GMDS: variants seen among roughly 807,000 people sequenced by gnomAD.
GMDS encodes the protein GDP-mannose 4,6 dehydratase.
Under a neutral mutation model 49.9 loss-of-function variants are expected in GMDS, and 20 were observed. The ratio of observed to expected loss-of-function variants is 0.40; its 90% CI spans 0.28 to 0.58. The LOEUF (loss-of-function observed/expected upper bound fraction) is 0.58. Ranked by LOEUF, GMDS falls within the 20% of genes least tolerant of loss-of-function variation. GMDS has a pLI of 0.42. For missense variants in GMDS, 362 were observed against 481.4 expected (o/e 0.75, Z 2.32); for synonymous variants, 177 against 178.6 (o/e 0.99, Z 0.07).
chr6:1,999,757 CCT>C (rs1378991919), intron 4 of GMDS, among the ~76,000 whole-genome samples: 2 of 147,910 alleles, frequency 1.4e-5, no homozygotes, highest in African/African-American at 2.5e-5. Flanking sequence ...AAGGAAATCT[CCT>C]CTCCCAATTT....
chr6:1,767,814 T>A (rs912112428), intron 7 of GMDS, among the ~76,000 whole-genome samples: 1 of 152,178 alleles, frequency 6.6e-6, no homozygotes, highest in Non-Finnish European at 1.5e-5. Context: ...AACTTTGGAC[T>A]CTCTCCCAAA....
intron 4 of GMDS, among the ~76,000 whole-genome samples, chr6:2,078,643 C>T (rs931315108): frequency 5.9e-5 from 9 of 151,944 alleles, no homozygotes; most frequent in Admixed American, 2.0e-4. Flanking sequence ...TATGATCTTG[C>T]GTTTTAAAAA....
chr6:1,803,886 A>G (rs1420595591), intron 7 of GMDS, among the ~76,000 whole-genome samples: 4 of 152,212 alleles, frequency 2.6e-5, no homozygotes, highest in African/African-American at 9.6e-5. Flanking sequence ...GGAAATATAC[A>G]GTAAAGAGTT....
chr6:1,657,079 C>T (rs1763906787), intron 9 of GMDS, among the ~76,000 whole-genome samples: 1 of 152,198 alleles, frequency 6.6e-6, no homozygotes, highest in Non-Finnish European at 1.5e-5. Context: ...TTTCTTTTGC[C>T]ACAGGATGAC....
intron 4 of GMDS, among the ~76,000 whole-genome samples, chr6:2,094,527 T>A (rs1773487421): frequency 6.6e-6 from 1 of 152,234 alleles, no homozygotes; most frequent in African/African-American, 2.4e-5. Context: ...TGTACCGTGT[T>A]CAGTACCACA....
intron 9 of GMDS, chr6:1,624,773 C>A (rs190956002): frequency 4.1e-6 from 2 of 487,776 alleles, no homozygotes; most frequent in Non-Finnish European, 7.3e-6. Context: ...CCGCGATCCA[C>A]CCCCAGCTAC....
intron 1 of GMDS, among the ~76,000 whole-genome samples, chr6:2,179,168 C>T (rs1778412141): frequency 2.0e-5 from 3 of 152,278 alleles, no homozygotes; most frequent in East Asian, 1.9e-4. Context: ...AACAATCCAA[C>T]TTAAATCTAA....
intron 4 of GMDS, among the ~76,000 whole-genome samples, chr6:2,088,698 C>G (rs1044111806): frequency 7.2e-5 from 11 of 152,132 alleles, no homozygotes; most frequent in Non-Finnish European, 1.6e-4. Flanking sequence ...CTCCACCTGG[C>G]AAGAGAGGAA....
chr6:2,217,009 T>G (rs995868305), intron 1 of GMDS, among the ~76,000 whole-genome samples: 18 of 151,842 alleles, frequency 1.2e-4, no homozygotes, highest in Non-Finnish European at 2.5e-4. Context: ...ACATCAGACC[T>G]CCCTGCCAGC....
intron 4 of GMDS, among the ~76,000 whole-genome samples, chr6:2,020,932 C>T (rs1351504796): frequency 6.6e-6 from 1 of 152,204 alleles, no homozygotes. Flanking sequence ...TTATCTACTA[C>T]TATACTGGAA....
At chr6:2,018,930 T>C (rs1171979590) in intron 4 of GMDS, among the ~76,000 whole-genome samples, 1 of 152,112 alleles carries the variant, frequency 6.6e-6, no homozygotes, top group African/African-American at 2.4e-5. Context: ...TTAAAGTGGC[T>C]ACATCACTTT....
chr6:1,640,015 A>G lies in GMDS; in HGVS notation c.988-15475T>C, dbSNP rs567344153. On this transcript the variant is annotated intron_variant, in intron 9 of 10. Coordinates refer to ENST00000380815, the MANE Select transcript of GMDS (RefSeq NM_001500.4). The surrounding 1 kb of genome is among the most constrained non-coding windows in gnomAD (Gnocchi z 4.0). ...TGTTGAATGATATCGACCAATGCTA[A>G]AGATCAGAGATAAAATCAGTGCCTG... Among the ~76,000 whole-genome samples, 1 of 152,346 alleles carries G rather than the reference A, an allele frequency of 6.6e-6. No individual in the cohort carries two copies. Among genetic ancestry groups the G allele is most frequent in the African/African-American group, 2.4e-5 (1 of 41,582 alleles).
chr6:1,664,978 G>T lies in GMDS; in HGVS notation c.988-40438C>A, dbSNP rs140516145. The stretch of plus-strand genomic sequence containing the variant: ...ATACAGATAGACTTCTGCATACTCA[G>T]CTGGCTTTGCACATCTCTACCACAG... On this transcript the variant is annotated intron_variant, in intron 9 of 10. Transcript: ENST00000380815. Among the ~76,000 whole-genome samples the T allele has an allele frequency of 2.0e-5, 3 of 152,328 alleles. No individual in the cohort carries two copies. In the East Asian group the frequency reaches 5.8e-4, roughly 29 times the overall value.
intron 7 of GMDS, among the ~76,000 whole-genome samples, chr6:1,911,590 G>T (rs1761059364): frequency 6.7e-6 from 1 of 150,248 alleles, no homozygotes; most frequent in East Asian, 2.0e-4. Context: ...TCAAAAGAAT[G>T]AACAGCAATC....
rs1257214725 is a variant in GMDS, at chr6:2,059,148, C to T, written c.345+56623G>A. On this transcript the variant is annotated intron_variant, in intron 4 of 10. Transcript: ENST00000380815. ...CCGAGATCACGCCTCTGCACTCCAG[C>T]CTGGGCGACAGAGTGATCCTCTGTC... Among the ~76,000 whole-genome samples the T allele has an allele frequency of 2.4e-5, 3 of 125,770 alleles. 1 individual carries two copies. Among genetic ancestry groups the T allele is most frequent in the South Asian group, 5.3e-4 (2 of 3,800 alleles). The allele number at this position is 125,770 out of a possible 152,430, so 82.5% of individuals were successfully genotyped here. A position where few individuals can be genotyped will look rare whatever the true frequency, so the allele number is the denominator to read the frequency against.
intron 4 of GMDS, among the ~76,000 whole-genome samples, chr6:1,986,608 T>C (rs2127355190): frequency 6.6e-6 from 1 of 152,328 alleles, no homozygotes; most frequent in Admixed American, 6.5e-5. Context: ...AGACTTTACA[T>C]AATCAAACAC....
chr6:1,781,749 G>C (rs1769095927), intron 7 of GMDS, among the ~76,000 whole-genome samples: 2 of 152,124 alleles, frequency 1.3e-5, no homozygotes, highest in Admixed American at 1.3e-4. Context: ...AGTACTGAAA[G>C]ATGAGTCACC....
At chr6:1,956,879 G>A (rs181497635) in intron 6 of GMDS, among the ~76,000 whole-genome samples, 1 of 149,868 alleles carries the variant, frequency 6.7e-6, no homozygotes, top group Non-Finnish European at 1.5e-5. Context: ...TCGGCTCATT[G>A]CAACCTCTGC....
At chr6:1,823,225 A>G (rs1400429456) in intron 7 of GMDS, among the ~76,000 whole-genome samples, 1 of 152,222 alleles carries the variant, frequency 6.6e-6, no homozygotes, top group Non-Finnish European at 1.5e-5. Flanking sequence ...ACAGCATGGT[A>G]GTTACTACTA....
Sources: allele counts gnomAD v4.1 joint callset (sites outside exome capture counted in the v4.1 genomes callset), GRCh38; gene constraint gnomAD v4.1.1; non-coding constraint Gnocchi (gnomAD v3.1); transcripts MANE v1.5; gene names NCBI Gene and HGNC (gene_info 2026-07-23, HGNC 2026-07-21).